The following TSPAN4 variants were observed in gnomAD, a reference collection of about 807,000 sequenced individuals.
TSPAN4 encodes tetraspanin-4.
A neutral mutation model predicts 31.5 loss-of-function variants in TSPAN4; 38 were observed. The observed-to-expected ratio is 1.21, with a 90% CI of 0.93 to 1.58. The LOEUF (loss-of-function observed/expected upper bound fraction) is 1.58, where lower values mean the gene tolerates loss of function less well. Ranked by LOEUF, TSPAN4 falls within the 40% of genes most tolerant of loss-of-function variation. TSPAN4 has a pLI of 0.00. For missense variants in TSPAN4, 330 were observed against 317.3 expected (o/e 1.04, Z -0.30); for synonymous variants, 186 against 144.6 (o/e 1.29, Z -2.06).
chr11:865,416 C>T (rs964230219), intron 5 of TSPAN4, 97 bp from the exon 6 acceptor site: 73 of 942,728 alleles, frequency 7.7e-5, no homozygotes, highest in Middle Eastern at 3.3e-4. Flanking sequence ...CAAGACCAGG[C>T]GCAGGAGGGG....
At position 849,417 on chromosome 11, in the gene TSPAN4, C is replaced by T. The variant is rs546148752; in HGVS notation, c.-17-871C>T. ...TTGCCACCAGACAGCAACGGGGTCA[C>T]CCTCCATTTGCGTAGTGCTTTGAGT... On this transcript the variant is annotated intron_variant, in intron 2 of 8. Transcript: ENST00000397397. 1.1e-4 allele frequency among the ~76,000 whole-genome samples: 16 copies of T among 152,268 alleles called. No individual in the cohort carries two copies. The South Asian group carries it at 3.1e-3, about 30-fold the overall frequency.
intron 3 of TSPAN4, among the ~76,000 whole-genome samples, chr11:855,557 T>A (rs1202181214): frequency 1.3e-5 from 2 of 152,120 alleles, no homozygotes; most frequent in Non-Finnish European, 2.9e-5. Flanking sequence ...GGCCTCAGGG[T>A]GGGCCTTGGT....
intron 3 of TSPAN4, among the ~76,000 whole-genome samples, chr11:861,778 G>T (rs1245839904): frequency 6.6e-6 from 1 of 151,932 alleles, no homozygotes; most frequent in Non-Finnish European, 1.5e-5. Flanking sequence ...AATTAACCGG[G>T]TGTGGTGGGG....
chr11:847,537 C>T (rs1267199005), intron 2 of TSPAN4, among the ~76,000 whole-genome samples: 1 of 152,128 alleles, frequency 6.6e-6, no homozygotes, highest in African/African-American at 2.4e-5. Flanking sequence ...CTTGCCCGGG[C>T]CCCTGACTGC....
intron 1 of TSPAN4, 106 bp downstream of exon 1, chr11:843,021 G>C (rs1847055328): frequency 6.7e-6 from 1 of 148,830 alleles, no homozygotes; most frequent in African/African-American, 2.4e-5. Flanking sequence ...GCGAGTTCGA[G>C]CCCAGAGCCG....
chr11:859,090 T>C (rs1589781746), intron 3 of TSPAN4, among the ~76,000 whole-genome samples: 3 of 78,234 alleles, frequency 3.8e-5, no homozygotes, highest in African/African-American at 5.3e-5. Context: ...GCACCCCGGC[T>C]CACACGCACC....
Position 865,839 on chromosome 11 carries a change from C to A in TSPAN4, c.564+14C>A, listed in dbSNP as rs1198586063. 1 of 1,612,204 alleles carries A rather than the reference C, an allele frequency of 6.2e-7. No homozygotes were observed. The highest frequency in any genetic ancestry group is 8.5e-7 in the Non-Finnish European group (1 of 1,179,660). The stretch of plus-strand genomic sequence containing the variant: ...TGGTGGAAGGCGGTGAGTGAGACCC[C>A]CACCCTGGGGGCTGGTAGGGGCCTA... On this transcript the variant is annotated intron_variant, in intron 7 of 8. Transcript: ENST00000397397.
At chr11:845,158 T>A (rs1402056293) in intron 1 of TSPAN4, among the ~76,000 whole-genome samples, 4 of 152,288 alleles carry the variant, frequency 2.6e-5, no homozygotes, top group Non-Finnish European at 5.9e-5. Context: ...GTCCCCAGCC[T>A]CGCCCCCACA....
At chr11:860,094 G>A (rs959063251) in intron 3 of TSPAN4, among the ~76,000 whole-genome samples, 3 of 152,230 alleles carry the variant, frequency 2.0e-5, no homozygotes, top group Non-Finnish European at 4.4e-5. Context: ...TAGGTCCTGC[G>A]CTGGCAGCCT....
intron 3 of TSPAN4, chr11:857,593 CG>C (rs532596481): frequency 6.6e-6 from 1 of 152,006 alleles, no homozygotes; most frequent in Admixed American, 6.6e-5. Context: ...TTAGTAGAGA[CG>C]GGGTTTCCCC....
At chr11:845,312 G>A (rs1441153237) in intron 1 of TSPAN4, among the ~76,000 whole-genome samples, 2 of 152,216 alleles carry the variant, frequency 1.3e-5, no homozygotes, top group African/African-American at 4.8e-5. Context: ...ACTGCCCACC[G>A]TACCCACGCC....
chr11:850,170 T>G (rs28704105), intron 2 of TSPAN4, 118 bp from the exon 3 acceptor site: 753,559 of 755,166 alleles, frequency 1, 375,995 homozygotes, highest in Non-Finnish European at 1. Context: ...CGCCGGGGGC[T>G]CCTTCTTCGG....
At chr11:849,336 C>CCCG (rs1423740328) in intron 2 of TSPAN4, among the ~76,000 whole-genome samples, 1 of 152,244 alleles carries the variant, frequency 6.6e-6, no homozygotes, top group Non-Finnish European at 1.5e-5. Flanking sequence ...CAGCCCCCCA[C>CCCG]CCGCCGCCGG....
intron 3 of TSPAN4, among the ~76,000 whole-genome samples, chr11:850,981 C>G (rs1241745100): frequency 6.6e-6 from 1 of 152,256 alleles, no homozygotes; most frequent in Non-Finnish European, 1.5e-5. Flanking sequence ...CCCGCGCCTC[C>G]GGCAGCAGAG....
At position 848,295 on chromosome 11, in the gene TSPAN4, ACC is replaced by A. The variant is rs1490863321; in HGVS notation, c.-18+999_-18+1000del. 2.0e-5 allele frequency among the ~76,000 whole-genome samples: 3 copies of A among 151,848 alleles called. No individual in the cohort carries two copies. Among genetic ancestry groups the A allele is most frequent in the South Asian group, 4.2e-4 (2 of 4,812 alleles). ...TCCTGGGGCCCAGACCCACCAAAGA[ACC>A]CCCAGGGGAAGGACAGGGTAGGGGC... On this transcript the variant is annotated intron_variant, in intron 2 of 8. Transcript: ENST00000397397. This position sits in a 1 kb window ranked among gnomAD's most constrained non-coding sequence, Gnocchi z 5.7.
In TSPAN4 at chr11:864,256, A is replaced by G. The variant is rs192183028; in HGVS notation, c.256-181A>G. ...AGGACACAACAGCCACAGTCCCTGGACCTGGGGCCAAGGGTTCTGAGGTGG... is the reference window on the plus strand; with the variant it reads ...AGGACACAACAGCCACAGTCCCTGGGCCTGGGGCCAAGGGTTCTGAGGTGG... On this transcript the variant is annotated intron_variant, in intron 4 of 8. Coordinates refer to ENST00000397397, the MANE Select transcript of TSPAN4 (RefSeq NM_003271.5). 786 of 693,602 alleles carry G rather than the reference A, an allele frequency of 1.1e-3. 9 individuals carry two copies. In the Admixed American group the frequency reaches 0.016, roughly 14 times the overall value. 43.0% of individuals were successfully genotyped at this position (693,602 alleles called of 1,614,324 possible).
rs763691539 is a variant in TSPAN4 at position 866,541 on chromosome 11, GTCC to G, written c.649-14_649-12del. The G allele has an allele frequency of 2.5e-6, 4 of 1,611,262 alleles. No homozygotes were observed. Among genetic ancestry groups the G allele is most frequent in the East Asian group, 2.2e-5 (1 of 44,810 alleles). On this transcript the variant is annotated intron_variant, in intron 8 of 8. Coordinates refer to ENST00000397397, the MANE Select transcript of TSPAN4 (RefSeq NM_003271.5). ...TGAGCCTGTGGAGCTGCCATGCCCA[GTCC>G]TCCTCCCCTACCTACAGATCCTGGG...
chr11:851,112 CCCCAGCCCCAT>C (rs1272615914), intron 3 of TSPAN4, among the ~76,000 whole-genome samples: 1 of 152,230 alleles, frequency 6.6e-6, no homozygotes, highest in African/African-American at 2.4e-5. Context: ...TTCCACCCCA[CCCCAGCCCCAT>C]GTCAGCAAGA....
intron 7 of TSPAN4, 26 bp downstream of exon 7, chr11:865,851 C>T (rs765073239): frequency 1.2e-6 from 2 of 1,612,426 alleles, no homozygotes; most frequent in South Asian, 2.2e-5. Context: ...ACCCTGGGGG[C>T]TGGTAGGGGC....
Sources: gnomAD v4.1 joint callset for allele counts (sites outside exome capture counted in the v4.1 genomes callset) on GRCh38, gnomAD v4.1.1 for gene constraint, Gnocchi (gnomAD v3.1) non-coding constraint, MANE v1.5 for transcripts, NCBI Gene and HGNC (gene_info 2026-07-23, HGNC 2026-07-21) for gene names.